Variants in MDGA2 observed in about 807,000 individuals in gnomAD.
MDGA2 encodes MAM domain-containing glycosylphosphatidylinositol anchor protein 2.
Under a neutral mutation model 117.8 loss-of-function variants are expected in MDGA2, and 40 were observed. The ratio of observed to expected loss-of-function variants is 0.34; its 90% CI spans 0.26 to 0.44. MDGA2 has a LOEUF of 0.44. Ranked by LOEUF, MDGA2 falls within the 20% of genes least tolerant of loss-of-function variation. MDGA2 has a pLI of 1.00. For synonymous variants in MDGA2, 452 were observed against 439.0 expected (o/e 1.03, Z -0.37); for missense variants, 1,123 against 1,250.6 (o/e 0.90, Z 1.54).
At chr14:47,117,613 G>A (rs1012384470) in intron 5 of MDGA2, among the ~76,000 whole-genome samples, 4 of 152,088 alleles carry the variant, frequency 2.6e-5, no homozygotes, top group African/African-American at 9.7e-5. Context: ...AAATAGATGA[G>A]CCTTCAGAAC....
intron 2 of MDGA2, among the ~76,000 whole-genome samples, chr14:47,239,097 G>C (rs1299417129): frequency 6.6e-6 from 1 of 151,244 alleles, no homozygotes; most frequent in Non-Finnish European, 1.5e-5. Context: ...CCACAAATTT[G>C]AGTGCTACTA....
At position 46,882,135 on chromosome 14, in the gene MDGA2, C is replaced by T; in HGVS notation, c.2325G>A (p.Glu775=). The T allele has an allele frequency of 6.2e-7, 1 of 1,612,420 alleles. No individual in the cohort carries two copies. ...KGELITYNLT[E]LIKPEAYEVR... is the part of the protein sequence containing the mutation. ...CTTCATAAGCTTCTGGTTTAATTAG[C>T]TCTGTCAAGTTATATGTAATTAATT... is the stretch of plus-strand genomic sequence containing the variant. Residue 775 remains glutamate, a synonymous_variant, in exon 11 of 17, where the codon GAG becomes GAA. Coordinates refer to ENST00000399232, the MANE Select transcript of MDGA2 (RefSeq NM_001113498.3).
intron 3 of MDGA2, among the ~76,000 whole-genome samples, chr14:47,211,287 A>G (rs1885873970): frequency 6.6e-6 from 1 of 152,128 alleles, no homozygotes; most frequent in Admixed American, 6.5e-5. Context: ...GAGGGGTCTG[A>G]TATTTTCCCT....
intron 3 of MDGA2, among the ~76,000 whole-genome samples, chr14:47,157,397 A>C (rs1883432817): frequency 6.6e-6 from 1 of 152,154 alleles, no homozygotes. Flanking sequence ...AATATATGCA[A>C]CTACATGTTT....
At chr14:47,512,799 G>A (rs915298292) in intron 1 of MDGA2, among the ~76,000 whole-genome samples, 1 of 151,890 alleles carries the variant, frequency 6.6e-6, no homozygotes, top group African/African-American at 2.4e-5. Flanking sequence ...TGAAAGAATG[G>A]GAAGAAAATA....
chr14:47,416,650 A>G (rs1416460305), intron 1 of MDGA2, among the ~76,000 whole-genome samples: 1 of 152,150 alleles, frequency 6.6e-6, no homozygotes, highest in Non-Finnish European at 1.5e-5. Flanking sequence ...AAGTGACTCT[A>G]TTCTTTGAAA....
chr14:47,476,285 A>T (rs1893835108), intron 1 of MDGA2, among the ~76,000 whole-genome samples: 1 of 152,178 alleles, frequency 6.6e-6, no homozygotes, highest in Non-Finnish European at 1.5e-5. Flanking sequence ...AACAAAACTT[A>T]ACAAAACTCT....
At chr14:47,414,217 C>A (rs1354426111) in intron 1 of MDGA2, among the ~76,000 whole-genome samples, 5 of 152,106 alleles carry the variant, frequency 3.3e-5, no homozygotes, top group African/African-American at 4.8e-5. Context: ...TCCATAATGT[C>A]CATGAACATT....
At chr14:47,616,000 G>T (rs1295379171) in intron 1 of MDGA2, among the ~76,000 whole-genome samples, 1 of 152,090 alleles carries the variant, frequency 6.6e-6, no homozygotes, top group Admixed American at 6.6e-5. Context: ...ATCTCTCCAA[G>T]AACAAAAGTT....
chr14:46,877,942 C>T (rs1036471459), intron 11 of MDGA2, among the ~76,000 whole-genome samples: 3 of 151,814 alleles, frequency 2.0e-5, no homozygotes, highest in African/African-American at 4.8e-5. Context: ...TCTACTTCTA[C>T]TGAGAGTAAA....
chr14:47,198,343 C>T (rs530991178), intron 3 of MDGA2, among the ~76,000 whole-genome samples: 135 of 152,152 alleles, frequency 8.9e-4, no homozygotes, highest in Admixed American at 1.5e-3. Flanking sequence ...GAGGCTGAGG[C>T]GGGCAGATCA....
chr14:47,552,680 A>G (rs1455042418), intron 1 of MDGA2, among the ~76,000 whole-genome samples: 1 of 152,218 alleles, frequency 6.6e-6, no homozygotes, highest in Admixed American at 6.5e-5. Context: ...TGTAAGAGAA[A>G]AAGTCAGATC....
chr14:47,487,111 A>G (rs1004251241), intron 1 of MDGA2, among the ~76,000 whole-genome samples: 1 of 152,232 alleles, frequency 6.6e-6, no homozygotes, highest in Non-Finnish European at 1.5e-5. Flanking sequence ...CATTGCAATC[A>G]CTTTTCCTTA....
At chr14:46,988,379 TG>T (rs1886947008) in intron 8 of MDGA2, among the ~76,000 whole-genome samples, 1 of 152,116 alleles carries the variant, frequency 6.6e-6, no homozygotes, top group Non-Finnish European at 1.5e-5. Context: ...CTGAGACAGC[TG>T]TTGCCATAAA....
In MDGA2 at chr14:47,244,636, A is replaced by T. The variant is rs376809922; in HGVS notation, c.421-26441T>A. ...CTGATTTCTAAAGGTTTCATAAAAT[A>T]GAGTCAGCCTTTATGGCAAACATAT... On this transcript the variant is annotated intron_variant, in intron 2 of 16. Transcript: ENST00000399232. 5.9e-5 allele frequency among the ~76,000 whole-genome samples: 9 copies of T among 151,998 alleles called. No individual in the cohort carries two copies. The East Asian group carries it at 1.7e-3, about 29-fold the overall frequency.
At chr14:47,098,661 C>T (rs1241287758) in intron 5 of MDGA2, among the ~76,000 whole-genome samples, 1 of 151,206 alleles carries the variant, frequency 6.6e-6, no homozygotes. Flanking sequence ...ATCTCTATAC[C>T]CTGACTTAAG....
chr14:47,368,426 T>C (rs951593200), intron 1 of MDGA2, among the ~76,000 whole-genome samples: 7 of 152,212 alleles, frequency 4.6e-5, no homozygotes, highest in Non-Finnish European at 8.8e-5. Context: ...TCTACTACCA[T>C]CTAGATTAGA....
intron 5 of MDGA2, among the ~76,000 whole-genome samples, chr14:47,119,812 T>C (rs1391191450): frequency 1.3e-5 from 2 of 152,212 alleles, no homozygotes; most frequent in Non-Finnish European, 2.9e-5. Flanking sequence ...AGAACCCATA[T>C]TACCTGCTTT....
At position 47,595,547 on chromosome 14, in the gene MDGA2, C is replaced by CAAAAAA. The variant is rs777715271; in HGVS notation, c.280+78964_280+78969dup. The stretch of plus-strand genomic sequence containing the variant: ...AACTCCTTCTAAAAAAACCAAAAAA[C>CAAAAAA]AAAAAAAAACAAAAAAAAAAAAAAC... On this transcript the variant is annotated intron_variant, in intron 1 of 16. Coordinates refer to ENST00000399232, the MANE Select transcript of MDGA2 (RefSeq NM_001113498.3). 2.9e-4 allele frequency among the ~76,000 whole-genome samples: 20 copies of CAAAAAA among 69,034 alleles called. 5 individuals carry two copies. The highest frequency in any genetic ancestry group is 6.8e-4 in the East Asian group (1 of 1,480). 45.3% of individuals were successfully genotyped at this position (69,034 alleles called of 152,430 possible).
Sources: allele counts gnomAD v4.1 joint callset (sites outside exome capture counted in the v4.1 genomes callset), GRCh38; gene constraint gnomAD v4.1.1; transcripts MANE v1.5; gene names NCBI Gene and HGNC (gene_info 2026-07-23, HGNC 2026-07-21).